The following DIP2B variants were observed in gnomAD, a reference collection of about 807,000 sequenced individuals.
The protein encoded by DIP2B is DIP2 acetate--CoA ligase B (putative), also known as disco-interacting protein 2 homolog B.
In DIP2B, 76 loss-of-function variants were observed where a neutral mutation model predicts 198.0. The observed-to-expected ratio is 0.38, with a 90% CI of 0.32 to 0.46. DIP2B has a LOEUF of 0.46. Ranked by LOEUF, DIP2B falls within the 20% of genes least tolerant of loss-of-function variation. The pLI, the probability that DIP2B is intolerant of heterozygous loss-of-function variation, is 0.99. For synonymous variants in DIP2B, 701 were observed against 739.1 expected (o/e 0.95, Z 0.84); for missense variants, 1,559 against 1,978.4 (o/e 0.79, Z 4.02).
rs377207504 is a variant in DIP2B at position 50,723,260 on chromosome 12, C to T, written c.3225C>T (p.Thr1075=). 1.4e-5 allele frequency: 23 copies of T among 1,614,024 alleles called. No individual in the cohort carries two copies. Among genetic ancestry groups the T allele is most frequent in the Middle Eastern group, 1.6e-4 (1 of 6,084 alleles). Residue 1075 remains threonine (T), a synonymous_variant, in exon 27 of 38, where the codon ACC becomes ACT. Coordinates refer to ENST00000301180, the MANE Select transcript of DIP2B (RefSeq NM_173602.3). ...GCLYAGCIPV[T]VRPPHAQNLT... ...TGTATGCGGGCTGTATACCTGTGAC[C>T]GTCAGACCTCCACATGCTCAGAACC...
chr12:50,567,459 C>T (rs767636220), intron 1 of DIP2B, among the ~76,000 whole-genome samples: 3 of 152,208 alleles, frequency 2.0e-5, no homozygotes, highest in Non-Finnish European at 2.9e-5. Context: ...TATTTCTCTG[C>T]TGAAAACATC....
chr12:50,581,285 TAAG>T (rs1399764753), intron 1 of DIP2B, among the ~76,000 whole-genome samples: 2 of 149,510 alleles, frequency 1.3e-5, no homozygotes, highest in African/African-American at 4.9e-5. Context: ...AATTTATTCA[TAAG>T]CTAAAAAATA....
At chr12:50,604,464 A>G (rs1366270570) in intron 1 of DIP2B, among the ~76,000 whole-genome samples, 1 of 146,408 alleles carries the variant, frequency 6.8e-6, no homozygotes. Flanking sequence ...ACTTGATTGC[A>G]TTTTTTTTTT....
At chr12:50,653,785 AC>A (rs1938504936) in intron 3 of DIP2B, among the ~76,000 whole-genome samples, 1 of 152,244 alleles carries the variant, frequency 6.6e-6, no homozygotes, top group East Asian at 1.9e-4. Context: ...TTTCAAAAAA[AC>A]AACTCATTTG....
intron 1 of DIP2B, among the ~76,000 whole-genome samples, chr12:50,546,589 A>G (rs1208271825): frequency 6.6e-6 from 1 of 152,216 alleles, no homozygotes; most frequent in Non-Finnish European, 1.5e-5. Flanking sequence ...GGGCCTCTCA[A>G]TGTCCTTATC....
intron 1 of DIP2B, among the ~76,000 whole-genome samples, chr12:50,510,976 C>T (rs1180034793): frequency 7.6e-6 from 1 of 131,780 alleles, no homozygotes; most frequent in Non-Finnish European, 1.6e-5. Flanking sequence ...GACGGAGTCT[C>T]TCCCTGTCAC....
chr12:50,533,497 A>C (rs890954925), intron 1 of DIP2B, among the ~76,000 whole-genome samples: 5 of 152,158 alleles, frequency 3.3e-5, no homozygotes, highest in African/African-American at 1.2e-4. Flanking sequence ...CTGTAAAGTG[A>C]GCAGAGGATC....
At chr12:50,717,578 G>A (rs916269197) in intron 23 of DIP2B, among the ~76,000 whole-genome samples, 17 of 151,496 alleles carry the variant, frequency 1.1e-4, no homozygotes, top group South Asian at 6.3e-4. Context: ...CGCGTTAGCC[G>A]GGATGGTCTC....
At chr12:50,712,856 T>C (rs1939643889) in intron 22 of DIP2B, among the ~76,000 whole-genome samples, 1 of 152,110 alleles carries the variant, frequency 6.6e-6, no homozygotes, top group African/African-American at 2.4e-5. Context: ...TGCAGTGAGC[T>C]GAGATCACGC....
At chr12:50,524,294 T>C (rs1387881956) in intron 1 of DIP2B, among the ~76,000 whole-genome samples, 2 of 152,230 alleles carry the variant, frequency 1.3e-5, no homozygotes, top group Non-Finnish European at 2.9e-5. Context: ...ATTTTCCACA[T>C]AGCAGGTAGA....
chr12:50,730,380 CTCT>C (rs1031844599), intron 30 of DIP2B, among the ~76,000 whole-genome samples: 9 of 57,778 alleles, frequency 1.6e-4, no homozygotes, highest in Non-Finnish European at 5.3e-4. Flanking sequence ...TTCTCTCTCT[CTCT>C]TTTTTTTTTT....
At chr12:50,559,948 CTT>C (rs1420210736) in intron 1 of DIP2B, among the ~76,000 whole-genome samples, 2 of 152,052 alleles carry the variant, frequency 1.3e-5, no homozygotes, top group African/African-American at 4.8e-5. Context: ...AAAAATATAT[CTT>C]GTTTCCTACC....
At chr12:50,597,032 G>A (rs1420755804) in intron 1 of DIP2B, among the ~76,000 whole-genome samples, 1 of 151,876 alleles carries the variant, frequency 6.6e-6, no homozygotes, top group Non-Finnish European at 1.5e-5. Flanking sequence ...ATGTAGGTAG[G>A]GAAACTTACC....
At chr12:50,512,771 G>A (rs1182334274) in intron 1 of DIP2B, among the ~76,000 whole-genome samples, 1 of 152,182 alleles carries the variant, frequency 6.6e-6, no homozygotes, top group African/African-American at 2.4e-5. Flanking sequence ...TTTGGGAGGC[G>A]GAGCCGGGTG....
At chr12:50,648,348 AT>A (rs887645899) in intron 3 of DIP2B, among the ~76,000 whole-genome samples, 1 of 151,626 alleles carries the variant, frequency 6.6e-6, no homozygotes, top group Non-Finnish European at 1.5e-5. Flanking sequence ...GCCTAAGCCT[AT>A]TTTTTTTATT....
At chr12:50,622,159 G>T (rs1276214251) in intron 1 of DIP2B, among the ~76,000 whole-genome samples, 4 of 152,202 alleles carry the variant, frequency 2.6e-5, no homozygotes, top group African/African-American at 4.8e-5. Flanking sequence ...TGGAACAGAA[G>T]AATGCTTTGG....
chr12:50,534,746 T>G (rs1007148095), intron 1 of DIP2B, among the ~76,000 whole-genome samples: 4 of 152,108 alleles, frequency 2.6e-5, no homozygotes, highest in African/African-American at 7.2e-5. Context: ...ATGGAAAAGA[T>G]TGTGGGTTTG....
intron 1 of DIP2B, among the ~76,000 whole-genome samples, chr12:50,525,737 T>C (rs933813567): frequency 3.3e-5 from 5 of 152,124 alleles, no homozygotes; most frequent in African/African-American, 1.2e-4. Flanking sequence ...TGTCTTGAAC[T>C]CCTGGGCTCA....
intron 3 of DIP2B, among the ~76,000 whole-genome samples, chr12:50,650,273 G>T (rs886515343): frequency 2.0e-5 from 3 of 151,938 alleles, no homozygotes; most frequent in Non-Finnish European, 4.4e-5. Context: ...CTATAGGAAG[G>T]CTCAGAATGC....
Sources: allele counts gnomAD v4.1 joint callset (sites outside exome capture counted in the v4.1 genomes callset), GRCh38; gene constraint gnomAD v4.1.1; transcripts MANE v1.5; gene names NCBI Gene and HGNC (gene_info 2026-07-23, HGNC 2026-07-21).